DMBT1: variants seen among roughly 807,000 people sequenced by gnomAD.
The protein encoded by DMBT1 is scavenger receptor cysteine-rich domain-containing protein DMBT1.
Under a neutral mutation model 252.9 loss-of-function variants are expected in DMBT1, and 198 were observed. The observed-to-expected ratio is 0.78, with a 90% CI of 0.70 to 0.88. DMBT1 has a LOEUF of 0.88. Ranked by LOEUF, DMBT1 falls within the 40% of genes least tolerant of loss-of-function variation. The pLI, the probability that DMBT1 is intolerant of heterozygous loss-of-function variation, is 0.00. For missense variants in DMBT1, 2,432 were observed against 2,404.7 expected (o/e 1.01, Z -0.24); for synonymous variants, 990 against 942.7 (o/e 1.05, Z -0.92).
intron 25 of DMBT1, 58 bp downstream of exon 25, chr10:122,598,070 T>G: frequency 6.2e-7 from 1 of 1,611,282 alleles, no homozygotes; most frequent in South Asian, 1.1e-5. Flanking sequence ...ACAAATGTTT[T>G]TTCTGAAAAT....
Position 122,586,322 on chromosome 10 carries a change from C to T in DMBT1, c.1722C>T (p.Pro574=). 2 of 1,588,696 alleles carry T rather than the reference C, an allele frequency of 1.3e-6. No individual in the cohort carries two copies. Among genetic ancestry groups the T allele is most frequent in the Non-Finnish European group, 1.7e-6 (2 of 1,165,878 alleles). ...SGNESYLWSC[P]HNGWLSHNCG... ...ATGAGTCCTACTTGTGGAGCTGCCC[C>T]CACAATGGCTGGCTCTCCCATAACT... Residue 574 remains proline (P), a synonymous_variant, in exon 16 of 56, where the codon CCC becomes CCT. Coordinates refer to ENST00000338354, the MANE Select transcript of DMBT1 (RefSeq NM_001377530.1).
intron 41 of DMBT1, 129 bp downstream of exon 41, chr10:122,618,469 C>T (rs1040788873): frequency 2.7e-6 from 4 of 1,506,742 alleles, no homozygotes; most frequent in African/African-American, 2.8e-5. Flanking sequence ...GTCTTGTTAG[C>T]TCTCTGCTAA....
rs200986441 is a variant in DMBT1 at position 122,586,715 on chromosome 10, G to A, written c.1783+332G>A. ...TGGGGCCAGGTTGTTCATGAAGATAGAGGTTGATTTGGGTCTTGGGTCTTT... is the reference window on the plus strand; with the variant it reads ...TGGGGCCAGGTTGTTCATGAAGATAAAGGTTGATTTGGGTCTTGGGTCTTT... On this transcript the variant is annotated intron_variant, in intron 16 of 55. Transcript: ENST00000338354. Among the ~76,000 whole-genome samples, 3 of 148,666 alleles carry A rather than the reference G, an allele frequency of 2.0e-5. No homozygotes were observed. The East Asian group carries it at 6.3e-4, about 31-fold the overall frequency.
chr10:122,634,437 TC>T (rs1566007448), intron 52 of DMBT1, among the ~76,000 whole-genome samples: 2 of 39,488 alleles, frequency 5.1e-5, no homozygotes, highest in African/African-American at 1.9e-4. Flanking sequence ...CTCTTCTCTC[TC>T]TCTCTCTCTC....
chr10:122,588,400 AG>A (rs2097812398), intron 16 of DMBT1, among the ~76,000 whole-genome samples: 1 of 146,982 alleles, frequency 6.8e-6, no homozygotes, highest in African/African-American at 2.5e-5. Context: ...GAAATAATAA[AG>A]AAAAAAAAAA....
In DMBT1 at chr10:122,576,383, C is replaced by T. The variant is rs541759214; in HGVS notation, c.284-16C>T. ...TCAGTAGGAATGTGCAAGAGAAATT[C>T]TGTGCCTTCCTCTAGGATCTGATTC... On this transcript the variant is annotated splice_polypyrimidine_tract_variant and intron_variant, in intron 6 of 55. Coordinates refer to ENST00000338354, the MANE Select transcript of DMBT1 (RefSeq NM_001377530.1). 6.2e-7 allele frequency: 1 copy of T among 1,611,994 alleles called. No individual in the cohort carries two copies. The highest frequency in any genetic ancestry group is 1.1e-5 in the South Asian group (1 of 90,716).
At chr10:122,599,196 A>C in intron 26 of DMBT1, 99 bp downstream of exon 26, 2 of 1,580,402 alleles carry the variant, frequency 1.3e-6, no homozygotes, top group Non-Finnish European at 8.6e-7. Flanking sequence ...AGCTTCTTCT[A>C]TGTTTTCTAT....
At chr10:122,584,900 G>C (rs1341182362) in intron 14 of DMBT1, among the ~76,000 whole-genome samples, 1 of 149,206 alleles carries the variant, frequency 6.7e-6, no homozygotes, top group Non-Finnish European at 1.5e-5. Flanking sequence ...CACTTACTGG[G>C]AAACTTGATA....
chr10:122,629,689 A>G, intron 46 of DMBT1, 151 bp from the exon 47 acceptor site: 4 of 903,710 alleles, frequency 4.4e-6, no homozygotes, highest in Non-Finnish European at 6.6e-6. Flanking sequence ...ACCTAGAACC[A>G]GGCCCAAGAG....
At chr10:122,561,154 GC>G (rs1044094642) in intron 1 of DMBT1, among the ~76,000 whole-genome samples, 12 of 152,154 alleles carry the variant, frequency 7.9e-5, no homozygotes, top group African/African-American at 2.9e-4. Context: ...TTATTAAGAG[GC>G]CCTTAAACTT....
At chr10:122,574,832 AG>A in intron 6 of DMBT1, among the ~76,000 whole-genome samples, 1 of 152,224 alleles carries the variant, frequency 6.6e-6, no homozygotes, top group Admixed American at 6.5e-5. Context: ...CCTGTCACAC[AG>A]GACTGCAGAT....
chr10:122,598,346 C>A (rs1034072149), intron 25 of DMBT1, among the ~76,000 whole-genome samples: 3 of 152,072 alleles, frequency 2.0e-5, no homozygotes, highest in African/African-American at 7.2e-5. Context: ...TGTGAAGAGT[C>A]GGTGGAAGTG....
intron 27 of DMBT1, among the ~76,000 whole-genome samples, chr10:122,600,546 C>A (rs560666550): frequency 2.0e-5 from 3 of 152,308 alleles, no homozygotes; most frequent in Non-Finnish European, 1.5e-5. Flanking sequence ...CCAGAAAAGG[C>A]AGAGTTTGTG....
At chr10:122,598,645 A>G in intron 25 of DMBT1, 129 bp from the exon 26 acceptor site, 5 of 1,539,846 alleles carry the variant, frequency 3.2e-6, no homozygotes, top group Non-Finnish European at 4.4e-6. Flanking sequence ...CTCTGATTTT[A>G]TTCATATTCA....
At chr10:122,638,478 C>T (rs574882655) in intron 54 of DMBT1, among the ~76,000 whole-genome samples, 3 of 152,284 alleles carry the variant, frequency 2.0e-5, no homozygotes, top group South Asian at 4.2e-4. Flanking sequence ...CATTCTGTTG[C>T]CCAGGCTGGA....
Position 122,589,140 on chromosome 10 carries a change from C to T in DMBT1, c.1980C>T (p.Gly660=), listed in dbSNP as rs373490476. Residue 660 remains glycine (G), a synonymous_variant, in exon 17 of 56, where the codon GGC becomes GGT. Coordinates refer to ENST00000338354, the MANE Select transcript of DMBT1 (RefSeq NM_001377530.1). The part of the protein sequence containing the change: ...SAPGNARFGQ[G]SGPIVLDDVR... The stretch of plus-strand genomic sequence containing the variant: ...CAGGAAATGCCCGGTTTGGTCAGGG[C>T]TCAGGACCCATTGTCCTGGATGATG... 1.2e-4 allele frequency: 195 copies of T among 1,588,360 alleles called. 11 individuals carry two copies. The highest frequency in any genetic ancestry group is 1.6e-4 in the Non-Finnish European group (188 of 1,165,778).
intron 51 of DMBT1, 108 bp from the exon 52 acceptor site, chr10:122,633,083 G>C: frequency 6.7e-7 from 1 of 1,501,200 alleles, no homozygotes; most frequent in Non-Finnish European, 8.9e-7. Flanking sequence ...TTCTGTCTTG[G>C]GAATTATTTT....
intron 4 of DMBT1, among the ~76,000 whole-genome samples, chr10:122,572,052 T>C (rs1176802009): frequency 6.6e-6 from 1 of 152,224 alleles, no homozygotes; most frequent in Non-Finnish European, 1.5e-5. Flanking sequence ...GTGAATAGAC[T>C]GTGTGACTTG....
chr10:122,636,127 A>G lies in DMBT1; in HGVS notation c.6685A>G (p.Ile2229Val). 3 of 1,613,978 alleles carry G rather than the reference A, an allele frequency of 1.9e-6. No homozygotes were observed. The highest frequency in any genetic ancestry group is 1.1e-5 in the South Asian group (1 of 91,074). Reference protein sequence around the residue: ...SSSNFMSIRFISDHSITRRGF... With the variant: ...SSSNFMSIRFVSDHSITRRGF... ...CTCCAACTTCATGTCCATTCGCTTC[A>G]TCAGTGACCACAGCATCACAAGGAG... is the stretch of plus-strand genomic sequence containing the variant. The change falls in exon 53 of 56, where the codon ATC (isoleucine) becomes GTC (valine). Residue 2229 changes from isoleucine to valine, a missense_variant. Physicochemically the swap from Ile to Val is conservative, Grantham distance 29. Around this residue, in one of 3 missense-constraint regions of DMBT1, gnomAD observed 1,162 missense variants for 1,169.0 expected, o/e 0.99. Coordinates refer to ENST00000338354, the MANE Select transcript of DMBT1 (RefSeq NM_001377530.1).
Sources: gnomAD v4.1 joint callset for allele counts (sites outside exome capture counted in the v4.1 genomes callset) on GRCh38, gnomAD v4.1.1 for gene constraint, gnomAD v4.1.1 regional missense constraint, MANE v1.5 for transcripts, NCBI Gene and HGNC (gene_info 2026-07-23, HGNC 2026-07-21) for gene names.